Variants in EML6 observed in about 807,000 individuals in gnomAD.
The protein encoded by EML6 is EMAP like 6, also known as echinoderm microtubule-associated protein-like 6.
A neutral mutation model predicts 240.1 loss-of-function variants in EML6; 154 were observed. The ratio of observed to expected loss-of-function variants is 0.64; its 90% CI spans 0.56 to 0.73. EML6 has a LOEUF of 0.73. Among genes scored for constraint, EML6 ranks in the 30% least tolerant of loss-of-function variants. EML6 has a pLI of 0.00. For missense variants in EML6, 2,964 were observed against 2,474.6 expected, an observed-to-expected ratio of 1.20 and a Z score of -4.20; for synonymous variants, 1,148 against 899.0, an observed-to-expected ratio of 1.28 and a Z score of -4.95.
At chr2:54,863,076 G>A (rs192498918) in intron 12 of EML6, among the ~76,000 whole-genome samples, 1 of 152,288 alleles carries the variant, frequency 6.6e-6, no homozygotes, top group Non-Finnish European at 1.5e-5. Context: ...GATGTCAGCA[G>A]GCATGAGCAG....
At chr2:54,828,199 A>G (rs1171675598) in intron 6 of EML6, among the ~76,000 whole-genome samples, 1 of 152,128 alleles carries the variant, frequency 6.6e-6, no homozygotes. Context: ...GGTAAGATAG[A>G]TTTTCCTCAT....
chr2:54,846,922 T>C (rs1405658334), intron 8 of EML6, among the ~76,000 whole-genome samples: 2 of 105,496 alleles, frequency 1.9e-5, no homozygotes, highest in Non-Finnish European at 4.4e-5. Flanking sequence ...TATGAAGTAG[T>C]ATTTTTTTTT....
chr2:54,838,666 CG>C (rs1416923948), intron 7 of EML6, among the ~76,000 whole-genome samples: 1 of 152,142 alleles, frequency 6.6e-6, no homozygotes, highest in African/African-American at 2.4e-5. Context: ...ATCAGGGCCA[CG>C]GACTGGTGAG....
chr2:54,926,472 C>A (rs980169092), intron 26 of EML6, among the ~76,000 whole-genome samples: 4 of 152,212 alleles, frequency 2.6e-5, no homozygotes. Context: ...GGTGAAGCAG[C>A]AAGTTCTGAT....
intron 2 of EML6, among the ~76,000 whole-genome samples, chr2:54,753,992 G>T (rs985217995): frequency 6.6e-6 from 1 of 151,758 alleles, no homozygotes; most frequent in East Asian, 2.0e-4. Context: ...AAAATTAGCC[G>T]GGTGTGGCAG....
chr2:54,827,545 A>G (rs1668655911), intron 5 of EML6, 21 bp from the exon 6 acceptor site: 3 of 1,543,192 alleles, frequency 1.9e-6, no homozygotes, highest in Non-Finnish European at 1.8e-6. Flanking sequence ...TTGGAGATCT[A>G]TTTTATCACT....
chr2:54,903,000 G>A, intron 22 of EML6, 44 bp from the exon 23 acceptor site: 1 of 1,533,256 alleles, frequency 6.5e-7, no homozygotes, highest in South Asian at 1.2e-5. Flanking sequence ...TTGCTTGACA[G>A]TGAAGTTTTG....
At chr2:54,940,409 C>G (rs1005380782) in intron 28 of EML6, among the ~76,000 whole-genome samples, 1 of 152,052 alleles carries the variant, frequency 6.6e-6, no homozygotes, top group South Asian at 2.1e-4. Flanking sequence ...AAATTAATAG[C>G]CTTCTTTAAT....
At chr2:54,831,696 A>G (rs1261450635) in intron 7 of EML6, among the ~76,000 whole-genome samples, 3 of 152,204 alleles carry the variant, frequency 2.0e-5, no homozygotes, top group Non-Finnish European at 4.4e-5. Context: ...GCTTACTGAT[A>G]AGGCGGTAGC....
intron 2 of EML6, among the ~76,000 whole-genome samples, chr2:54,812,587 G>T (rs1667903477): frequency 6.6e-6 from 1 of 151,924 alleles, no homozygotes; most frequent in South Asian, 2.1e-4. Flanking sequence ...TAAAATACCA[G>T]TTGGTATTTG....
intron 4 of EML6, among the ~76,000 whole-genome samples, chr2:54,818,175 TACAA>T (rs1183500679): frequency 6.6e-6 from 1 of 152,162 alleles, no homozygotes; most frequent in Non-Finnish European, 1.5e-5. Context: ...AAACTAAAGT[TACAA>T]ACAGTTTAAA....
At position 54,859,515 on chromosome 2, in the gene EML6, T is replaced by A; in HGVS notation, c.1658-19T>A. On this transcript the variant is annotated intron_variant, in intron 11 of 41. Transcript: ENST00000356458. Reference sequence around the variant, plus strand: ...TCTTCTTTTTTCATAACTAATCCTCTCAAAAAATATTCTTTCAGGAGCCAA... The same window carrying A: ...TCTTCTTTTTTCATAACTAATCCTCACAAAAAATATTCTTTCAGGAGCCAA... The A allele has an allele frequency of 3.2e-6, 5 of 1,545,670 alleles. No homozygotes were observed. Among genetic ancestry groups the A allele is most frequent in the Non-Finnish European group, 4.4e-6 (5 of 1,143,604 alleles).
chr2:54,859,465 G>A (rs1670561067), intron 11 of EML6, 69 bp from the exon 12 acceptor site: 2 of 1,198,754 alleles, frequency 1.7e-6, no homozygotes, highest in Non-Finnish European at 2.4e-6. Context: ...ATGAACAGAA[G>A]GGGGGTTGTT....
intron 35 of EML6, 52 bp from the exon 36 acceptor site, chr2:54,962,471 G>A: frequency 7.4e-7 from 1 of 1,354,796 alleles, no homozygotes; most frequent in Non-Finnish European, 1.0e-6. Context: ...CCTCATATGA[G>A]TGCAGTCATA....
In EML6 at chr2:54,907,493, C is replaced by T. The variant is rs567091720; in HGVS notation, c.3410-3461C>T. Among the ~76,000 whole-genome samples, 11 of 152,150 alleles carry T rather than the reference C, an allele frequency of 7.2e-5. No homozygotes were observed. In the South Asian group the frequency reaches 1.2e-3, roughly 17 times the overall value. ...CTGAACTCCAGCCTGGGTAACAGAGCGAGACTATGTCTCAAAAAGTAATAA... is the reference window on the plus strand; with the variant it reads ...CTGAACTCCAGCCTGGGTAACAGAGTGAGACTATGTCTCAAAAAGTAATAA... On this transcript the variant is annotated intron_variant, in intron 24 of 41. Coordinates refer to ENST00000356458, the MANE Select transcript of EML6 (RefSeq NM_001039753.4).
chr2:54,725,544 T>C lies in EML6; in HGVS notation c.197+286T>C, dbSNP rs1351699755. Among the ~76,000 whole-genome samples the C allele has an allele frequency of 2.6e-5, 4 of 152,198 alleles. No homozygotes were observed. Among genetic ancestry groups the C allele is most frequent in the African/African-American group, 2.4e-5 (1 of 41,452 alleles). ...ATGCTTTCTTGCTGTTCTTTCCTGCTACAAGTGGAAGGAGCCTGGGTAACT... is the reference window on the plus strand; with the variant it reads ...ATGCTTTCTTGCTGTTCTTTCCTGCCACAAGTGGAAGGAGCCTGGGTAACT... On this transcript the variant is annotated intron_variant, in intron 2 of 41. Coordinates refer to ENST00000356458, the MANE Select transcript of EML6 (RefSeq NM_001039753.4). This position sits in a 1 kb window ranked among gnomAD's most constrained non-coding sequence, Gnocchi z 4.3.
chr2:54,777,090 TC>T (rs1293220805), intron 2 of EML6, among the ~76,000 whole-genome samples: 2 of 152,232 alleles, frequency 1.3e-5, no homozygotes, highest in Non-Finnish European at 2.9e-5. Flanking sequence ...AGCTTTGCTG[TC>T]CACATCGCCC....
rs142759844 is a variant in EML6 at position 54,855,907 on chromosome 2, A to T, written c.1657+2052A>T. On this transcript the variant is annotated intron_variant, in intron 11 of 41. Coordinates refer to ENST00000356458, the MANE Select transcript of EML6 (RefSeq NM_001039753.4). ...GTCTGTAATTTAGGTGACAAGGTAC[A>T]AGTATTCCCTGTACATTTTGAACCT... Among the ~76,000 whole-genome samples, 34 of 152,304 alleles carry T rather than the reference A, an allele frequency of 2.2e-4. 1 individual carries two copies. The highest frequency in any genetic ancestry group is 7.9e-4 in the African/African-American group (33 of 41,574).
chr2:54,946,153 T>C (rs891595807), intron 28 of EML6, among the ~76,000 whole-genome samples: 1 of 152,222 alleles, frequency 6.6e-6, no homozygotes, highest in Non-Finnish European at 1.5e-5. Flanking sequence ...GGCTCCCTCC[T>C]TAAATTTCTT....
Sources: gnomAD v4.1 joint callset for allele counts (sites outside exome capture counted in the v4.1 genomes callset) on GRCh38, gnomAD v4.1.1 for gene constraint, Gnocchi (gnomAD v3.1) non-coding constraint, MANE v1.5 for transcripts, NCBI Gene and HGNC (gene_info 2026-07-23, HGNC 2026-07-21) for gene names.